Variants in LAMC3 observed in about 807,000 individuals in gnomAD.
LAMC3 encodes the protein laminin subunit gamma 3.
In LAMC3, 128 loss-of-function variants were observed where a neutral mutation model predicts 173.8. The ratio of observed to expected loss-of-function variants is 0.74; its 90% CI spans 0.64 to 0.85. The LOEUF is 0.85. LAMC3 is among the 40% of genes least tolerant of loss of function. LAMC3 has a pLI of 0.00. For synonymous variants in LAMC3, 897 were observed against 909.1 expected (o/e 0.99, Z 0.24); for missense variants, 2,022 against 2,156.0 (o/e 0.94, Z 1.23).
intron 9 of LAMC3, among the ~76,000 whole-genome samples, chr9:131,049,573 C>A (rs1382786137): frequency 6.6e-6 from 1 of 152,160 alleles, no homozygotes; most frequent in Non-Finnish European, 1.5e-5. Flanking sequence ...CAGAACACAC[C>A]ATATTTATGG....
chr9:131,093,062 G>A lies in LAMC3; in HGVS notation c.*1275G>A, dbSNP rs1042126506. The A allele has an allele frequency of 5.2e-5, 8 of 152,438 alleles. No individual in the cohort carries two copies. The highest frequency in any genetic ancestry group is 1.9e-4 in the African/African-American group (8 of 41,460). The allele number at this position is 152,438 out of a possible 1,614,324, so 9.4% of individuals were successfully genotyped here. A position where few individuals can be genotyped will look rare whatever the true frequency, so the allele number is the denominator to read the frequency against. On this transcript the variant is annotated 3_prime_UTR_variant, in exon 28 of 28. Transcript: ENST00000361069. ...AAATAAAGGACCCTTTCACTGGGCA[G>A]GGTGGTGTGCCTCACCCTCCCCGGC...
chr9:131,073,398 G>T, intron 20 of LAMC3, 77 bp downstream of exon 20: 1 of 1,090,246 alleles, frequency 9.2e-7, no homozygotes. Context: ...CCCCACAGGT[G>T]CCCCCACCCA....
intron 15 of LAMC3, 87 bp from the exon 16 acceptor site, chr9:131,068,821 T>C: frequency 6.7e-7 from 1 of 1,489,000 alleles, no homozygotes. Context: ...GGCTGTGATC[T>C]GAGGCCCCAG....
chr9:131,068,290 G>A (rs1308430476), intron 15 of LAMC3, 59 bp downstream of exon 15: 10 of 1,556,680 alleles, frequency 6.4e-6, no homozygotes, highest in African/African-American at 5.4e-5. Context: ...AGAAGGCATC[G>A]GGCAGCCCCC....
At chr9:131,086,401 T>G (rs1465048122) in intron 25 of LAMC3, among the ~76,000 whole-genome samples, 1 of 151,090 alleles carries the variant, frequency 6.6e-6, no homozygotes, top group Non-Finnish European at 1.5e-5. Flanking sequence ...TTTTGTTTTT[T>G]TTTTTTGCTT....
intron 7 of LAMC3, among the ~76,000 whole-genome samples, chr9:131,043,981 C>T (rs1418979391): frequency 1.8e-4 from 25 of 135,938 alleles, no homozygotes; most frequent in Admixed American, 1.1e-3. Context: ...TTTTTTGAGA[C>T]GGAGTTTCGC....
At chr9:131,072,894 A>G in intron 19 of LAMC3, 59 bp downstream of exon 19, 10 of 1,499,626 alleles carry the variant, frequency 6.7e-6, no homozygotes, top group Non-Finnish European at 8.2e-6. Flanking sequence ...TCCCTGCCCC[A>G]GCCCTCCCAT....
Position 131,049,021 on chromosome 9 carries a change from A to T in LAMC3, c.1521A>T (p.Gly507=). The change falls in exon 9 of 28, where the codon GGA becomes GGT. Residue 507 remains glycine, a splice_region_variant and synonymous_variant. Transcript: ENST00000361069. ...VHHILSDFHQ[G]AEGWWARSVG... Reference sequence around the variant, plus strand: ...GGGGTGTCTGTGTTTGCTGTCTAGGAGCCGAAGGCTGGTGGGCCAGAAGTG... The same window carrying T: ...GGGGTGTCTGTGTTTGCTGTCTAGGTGCCGAAGGCTGGTGGGCCAGAAGTG... The T allele has an allele frequency of 3.2e-6, 5 of 1,545,200 alleles. No homozygotes were observed. The highest frequency in any genetic ancestry group is 4.4e-6 in the Non-Finnish European group (5 of 1,141,826).
intron 1 of LAMC3, among the ~76,000 whole-genome samples, chr9:131,014,002 C>A (rs1245043989): frequency 6.6e-6 from 1 of 152,228 alleles, no homozygotes; most frequent in Non-Finnish European, 1.5e-5. Flanking sequence ...AACGCTGGGC[C>A]CTGAGCAGGG....
chr9:131,054,675 G>T lies in LAMC3; in HGVS notation c.1939+1710G>T, dbSNP rs371995709. On this transcript the variant is annotated intron_variant, in intron 11 of 27. Coordinates refer to ENST00000361069, the MANE Select transcript of LAMC3 (RefSeq NM_006059.4). The stretch of plus-strand genomic sequence containing the variant: ...AGGGAGAATTGCTTGAACCTGGGAG[G>T]CGGAGGTTGCAGTTAGCCAAGATCA... Among the ~76,000 whole-genome samples the T allele has an allele frequency of 3.9e-5, 6 of 152,026 alleles. No individual in the cohort carries two copies. In the East Asian group the frequency reaches 9.6e-4, roughly 24 times the overall value.
chr9:131,052,024 C>T (rs1364078560), intron 9 of LAMC3, among the ~76,000 whole-genome samples: 2 of 152,182 alleles, frequency 1.3e-5, no homozygotes, highest in African/African-American at 2.4e-5. Flanking sequence ...GCCCGGGGCC[C>T]AGAGCACCTC....
In LAMC3 at chr9:131,049,122, C is replaced by T; in HGVS notation, c.1622C>T (p.Thr541Ile). 3 of 1,546,150 alleles carry T rather than the reference C, an allele frequency of 1.9e-6. No individual in the cohort carries two copies. Among genetic ancestry groups the T allele is most frequent in the Non-Finnish European group, 2.6e-6 (3 of 1,141,776 alleles). The change falls in exon 9 of 28, where the codon ACA (threonine) becomes ATA (isoleucine). Residue 541 changes from threonine to isoleucine, a missense_variant. By Grantham distance (89) the Thr-to-Ile change is moderately conservative. Transcript: ENST00000361069. Reference sequence around the variant, plus strand: ...AGCCCAGAAGACGAGGAGGAGCTCACAGCACCAGGTACCTCCAGCACCAGG... The same window carrying T: ...AGCCCAGAAGACGAGGAGGAGCTCATAGCACCAGGTACCTCCAGCACCAGG... The part of the protein sequence containing the change: ...LLSPEDEEEL[T>I]APEKFLGDQR...
chr9:131,057,196 C>T, intron 12 of LAMC3, 49 bp downstream of exon 12: 1 of 1,516,174 alleles, frequency 6.6e-7, no homozygotes, highest in Non-Finnish European at 9.1e-7. Context: ...ATACCCAAAA[C>T]AGCGGGATGA....
intron 25 of LAMC3, 157 bp downstream of exon 25, chr9:131,085,880 G>A (rs2133350280): frequency 1.4e-6 from 1 of 740,292 alleles, no homozygotes; most frequent in South Asian, 1.5e-5. Flanking sequence ...GGGTGAGTCT[G>A]TGGGTTCCTC....
In LAMC3 at chr9:131,093,834, G is replaced by A. The variant is rs1317560765; in HGVS notation, c.*2047G>A. 6.6e-6 allele frequency: 1 copy of A among 152,304 alleles called. No individual in the cohort carries two copies. The highest frequency in any genetic ancestry group is 2.4e-5 in the African/African-American group (1 of 41,336). The allele number at this position is 152,304 out of a possible 1,614,324, so 9.4% of individuals were successfully genotyped here. A position where few individuals can be genotyped will look rare whatever the true frequency, so the allele number is the denominator to read the frequency against. On this transcript the variant is annotated 3_prime_UTR_variant, in exon 28 of 28. Coordinates refer to ENST00000361069, the MANE Select transcript of LAMC3 (RefSeq NM_006059.4). Reference sequence around the variant, plus strand: ...CTCTTTATTTATTGATTTTTTTTGAGATGGAGTCTCGCTCTGTTGCCCAGG... The same window carrying A: ...CTCTTTATTTATTGATTTTTTTTGAAATGGAGTCTCGCTCTGTTGCCCAGG...
chr9:131,028,768 G>C (rs1230211837), intron 2 of LAMC3, among the ~76,000 whole-genome samples: 5 of 152,206 alleles, frequency 3.3e-5, no homozygotes, highest in Non-Finnish European at 7.3e-5. Context: ...TATTTCCCCA[G>C]AGCCACATGT....
chr9:131,062,368 TAAAATA>T (rs1051223957), intron 13 of LAMC3, among the ~76,000 whole-genome samples: 1 of 149,224 alleles, frequency 6.7e-6, no homozygotes, highest in African/African-American at 2.5e-5. Context: ...TCTCAAAAAA[TAAAATA>T]AAGTATAATT....
chr9:131,071,034 G>C (rs1830028141), intron 17 of LAMC3, among the ~76,000 whole-genome samples: 1 of 152,206 alleles, frequency 6.6e-6, no homozygotes, highest in Non-Finnish European at 1.5e-5. Context: ...GCAGGCATTT[G>C]TGCTGAGACT....
At position 131,027,861 on chromosome 9, in the gene LAMC3, C is replaced by A. The variant is rs955599552; in HGVS notation, c.678+1272C>A. ...GTCGCCATGTCAGTCCATTCAGGGC[C>A]CTCCAGTTCAGCCCACGTAGGTCCA... On this transcript the variant is annotated intron_variant, in intron 2 of 27. Coordinates refer to ENST00000361069, the MANE Select transcript of LAMC3 (RefSeq NM_006059.4). 1.9e-4 allele frequency among the ~76,000 whole-genome samples: 29 copies of A among 152,330 alleles called. 1 individual carries two copies. Among genetic ancestry groups the A allele is most frequent in the Admixed American group, 1.9e-3 (29 of 15,306 alleles).
Sources: gnomAD v4.1 joint callset for allele counts (sites outside exome capture counted in the v4.1 genomes callset) on GRCh38, gnomAD v4.1.1 for gene constraint, MANE v1.5 for transcripts, NCBI Gene and HGNC (gene_info 2026-07-23, HGNC 2026-07-21) for gene names.